Variants in DYSF observed in about 807,000 individuals in gnomAD.
The protein encoded by DYSF is dystrophy-associated fer-1-like 1.
A neutral mutation model predicts 274.9 loss-of-function variants in DYSF; 212 were observed. The observed-to-expected ratio is 0.77, with a 90% CI of 0.69 to 0.86. DYSF has a LOEUF of 0.86. Ranked by LOEUF, DYSF falls within the 40% of genes least tolerant of loss-of-function variation. DYSF has a pLI of 0.00. For missense variants in DYSF, 2,666 were observed against 2,783.2 expected (o/e 0.96, Z 0.95); for synonymous variants, 1,091 against 1,078.7 (o/e 1.01, Z -0.22).
chr2:71,568,666 TC>T (rs2092257202), intron 26 of DYSF, among the ~76,000 whole-genome samples: 1 of 152,038 alleles, frequency 6.6e-6, no homozygotes, highest in South Asian at 2.1e-4. Flanking sequence ...CCTCAGGTGA[TC>T]CTCCTGCTCC....
intron 2 of DYSF, among the ~76,000 whole-genome samples, chr2:71,481,178 G>C (rs968986909): frequency 6.6e-6 from 1 of 152,214 alleles, no homozygotes; most frequent in Non-Finnish European, 1.5e-5. Context: ...TTTCCCCCCA[G>C]CTCTGGCCAG....
chr2:71,597,909 TC>T (rs1349081958), intron 32 of DYSF, among the ~76,000 whole-genome samples: 6 of 151,804 alleles, frequency 4.0e-5, no homozygotes, highest in Admixed American at 3.9e-4. Flanking sequence ...TCATGCTCCC[TC>T]CAGTCTGTTC....
At chr2:71,512,571 C>T (rs992567606) in intron 5 of DYSF, among the ~76,000 whole-genome samples, 16 of 152,210 alleles carry the variant, frequency 1.1e-4, no homozygotes, top group Non-Finnish European at 2.2e-4. Flanking sequence ...GGACCCAGCC[C>T]GGGGTGGCTG....
At position 71,682,604 on chromosome 2, in the gene DYSF, G is replaced by T; in HGVS notation, c.6248G>T (p.Arg2083Leu). ...AAGTTCATCCTGTGGCGGCGTTTCC[G>T]GTGGGCCATCATCCTCTTCATCATC... ...TMKFILWRRF[R>L]WAIILFIILF... is the part of the protein sequence containing the mutation. The change falls in exon 55 of 56, where the codon CGG becomes CTG. Residue 2083 changes from arginine (R) to leucine (L), a missense_variant. Transcript: ENST00000410020. The T allele has an allele frequency of 1.9e-6, 3 of 1,614,096 alleles. No individual in the cohort carries two copies. The highest frequency in any genetic ancestry group is 2.5e-6 in the Non-Finnish European group (3 of 1,180,016).
chr2:71,512,744 G>A (rs1019013189), intron 5 of DYSF, among the ~76,000 whole-genome samples: 3 of 152,244 alleles, frequency 2.0e-5, no homozygotes, highest in Non-Finnish European at 4.4e-5. Flanking sequence ...CATTAAAACC[G>A]GAGCAGCCCA....
chr2:71,544,650 G>A (rs1164988823), intron 17 of DYSF, among the ~76,000 whole-genome samples: 1 of 151,852 alleles, frequency 6.6e-6, no homozygotes, highest in Admixed American at 6.6e-5. Context: ...TAGTAGAGAC[G>A]GGGTTTCACC....
intron 51 of DYSF, among the ~76,000 whole-genome samples, chr2:71,670,215 G>A (rs1289311215): frequency 2.0e-5 from 3 of 152,096 alleles, no homozygotes; most frequent in Non-Finnish European, 4.4e-5. Flanking sequence ...ATCACACAGT[G>A]CCATATCCAT....
intron 3 of DYSF, among the ~76,000 whole-genome samples, chr2:71,488,078 A>C (rs2083499288): frequency 6.6e-6 from 1 of 152,114 alleles, no homozygotes; most frequent in Admixed American, 6.5e-5. Flanking sequence ...AATGGCAAGG[A>C]GCAATATTTG....
At chr2:71,553,395 G>T (rs1414887133) in intron 20 of DYSF, among the ~76,000 whole-genome samples, 1 of 152,230 alleles carries the variant, frequency 6.6e-6, no homozygotes, top group East Asian at 1.9e-4. Flanking sequence ...CCTGGGACCA[G>T]CTGTGGTCAG....
At chr2:71,580,875 T>C (rs1401188325) in intron 30 of DYSF, among the ~76,000 whole-genome samples, 1 of 152,230 alleles carries the variant, frequency 6.6e-6, no homozygotes, top group Non-Finnish European at 1.5e-5. Context: ...TGCGTGTCCA[T>C]GTGCCTCAGG....
At chr2:71,675,385 C>T (rs1403969749) in intron 52 of DYSF, among the ~76,000 whole-genome samples, 5 of 152,200 alleles carry the variant, frequency 3.3e-5, no homozygotes, top group Non-Finnish European at 7.4e-5. Context: ...TCCCTGGTTT[C>T]TAGATCCATT....
chr2:71,527,907 G>A (rs528468539), intron 13 of DYSF, among the ~76,000 whole-genome samples: 2 of 152,114 alleles, frequency 1.3e-5, no homozygotes, highest in Admixed American at 6.5e-5. Context: ...AAATCGCTGC[G>A]CTAATAGATT....
At chr2:71,516,335 T>A in intron 9 of DYSF, 93 bp downstream of exon 9, 6 of 1,247,578 alleles carry the variant, frequency 4.8e-6, no homozygotes, top group Admixed American at 1.8e-5. Context: ...CGTGTGTGCA[T>A]GTGCACGTCA....
intron 32 of DYSF, among the ~76,000 whole-genome samples, chr2:71,593,729 G>T (rs945025871): frequency 2.0e-5 from 3 of 152,204 alleles, no homozygotes; most frequent in South Asian, 4.1e-4. Context: ...TGCTGTTGTG[G>T]TTGGAGGGAT....
intron 47 of DYSF, among the ~76,000 whole-genome samples, chr2:71,667,100 G>T (rs776289559): frequency 6.6e-6 from 1 of 152,168 alleles, no homozygotes; most frequent in African/African-American, 2.4e-5. Flanking sequence ...GATTTGTATG[G>T]TGGAAAATAG....
rs1023096734 is a variant in DYSF, at chr2:71,526,149, C to G, written c.1150-71C>G. On this transcript the variant is annotated intron_variant, in intron 12 of 55. Transcript: ENST00000410020. ...CAGCATTTATGTGGCGAAGCTGGAA[C>G]TCTTAGAAAAGGAAAGTAAAACCCT... The G allele has an allele frequency of 6.8e-6, 11 of 1,613,248 alleles. No individual in the cohort carries two copies. The Middle Eastern group carries it at 4.9e-4, about 72-fold the overall frequency.
At chr2:71,471,031 G>A (rs1316202072) in intron 1 of DYSF, among the ~76,000 whole-genome samples, 3 of 151,972 alleles carry the variant, frequency 2.0e-5, no homozygotes, top group Non-Finnish European at 4.4e-5. Flanking sequence ...CCTGACATCA[G>A]TCAATCCACC....
Position 71,587,531 on chromosome 2 carries a change from G to T in DYSF, c.3403-2062G>T, listed in dbSNP as rs534081055. Reference sequence around the variant, plus strand: ...CCAAGCCCTGTGCCTTCCCTCGTAAGGTCATTGATAGCTAACATTTCTTGA... The same window carrying T: ...CCAAGCCCTGTGCCTTCCCTCGTAATGTCATTGATAGCTAACATTTCTTGA... On this transcript the variant is annotated intron_variant, in intron 30 of 55. Coordinates refer to ENST00000410020, the MANE Select transcript of DYSF (RefSeq NM_001130987.2). Among the ~76,000 whole-genome samples the T allele has an allele frequency of 4.4e-4, 67 of 152,298 alleles. 1 individual carries two copies. Among genetic ancestry groups the T allele is most frequent in the African/African-American group, 1.5e-3 (64 of 41,556 alleles).
At chr2:71,657,431 G>C (rs543106971) in intron 43 of DYSF, among the ~76,000 whole-genome samples, 4 of 152,244 alleles carry the variant, frequency 2.6e-5, no homozygotes, top group Admixed American at 1.3e-4. Flanking sequence ...ACCATTCTAG[G>C]GTCTGGAGGA....
Sources: allele counts gnomAD v4.1 joint callset (sites outside exome capture counted in the v4.1 genomes callset), GRCh38; gene constraint gnomAD v4.1.1; transcripts MANE v1.5; gene names NCBI Gene and HGNC (gene_info 2026-07-23, HGNC 2026-07-21).